Variants in GRIP1 observed in about 807,000 individuals in gnomAD.
GRIP1 encodes glutamate receptor-interacting protein 1.
A neutral mutation model predicts 129.9 loss-of-function variants in GRIP1; 45 were observed. The ratio of observed to expected loss-of-function variants is 0.35; its 90% CI spans 0.27 to 0.44. The LOEUF (loss-of-function observed/expected upper bound fraction) is 0.44. Ranked by LOEUF, GRIP1 falls within the 20% of genes least tolerant of loss-of-function variation. The probability of loss-of-function intolerance (pLI) is 1.00; values close to 1 mark genes in which losing one functional copy is unlikely to be tolerated. For missense variants in GRIP1, 1,196 were observed against 1,396.8 expected, an observed-to-expected ratio of 0.86 and a Z score of 2.29; for synonymous variants, 530 against 520.8, an observed-to-expected ratio of 1.02 and a Z score of -0.24.
chr12:66,589,220 CTCTCTCTGTCTGTCTG>C (rs2063760960), intron 2 of GRIP1, among the ~76,000 whole-genome samples: 1 of 146,692 alleles, frequency 6.8e-6, no homozygotes, highest in African/African-American at 2.5e-5. Context: ...CTCTCTCTCT[CTCTCTCTGTCTGTCTG>C]TCTCTCTCTC....
At chr12:67,028,516 C>T (rs2042972151) in intron 1 of GRIP1, among the ~76,000 whole-genome samples, 1 of 152,088 alleles carries the variant, frequency 6.6e-6, no homozygotes, top group Non-Finnish European at 1.5e-5. Context: ...AAACAGCATC[C>T]GTGCCCATAT....
intron 1 of GRIP1, among the ~76,000 whole-genome samples, chr12:66,834,165 G>A (rs975942879): frequency 5.1e-5 from 6 of 116,836 alleles, no homozygotes; most frequent in East Asian, 2.7e-4. Context: ...GCAACACAGC[G>A]AGACTTCATC....
chr12:66,927,374 A>C (rs536802128), intron 1 of GRIP1, among the ~76,000 whole-genome samples: 1 of 152,158 alleles, frequency 6.6e-6, no homozygotes, highest in South Asian at 2.1e-4. Context: ...AAATGTCCCC[A>C]CTCCTCTAGA....
intron 2 of GRIP1, among the ~76,000 whole-genome samples, chr12:66,555,001 G>C (rs919712998): frequency 2.6e-5 from 4 of 152,176 alleles, no homozygotes; most frequent in African/African-American, 9.7e-5. Flanking sequence ...CACCCTGAAG[G>C]ATGGCTGGTT....
chr12:66,786,154 T>C (rs2038337935), intron 1 of GRIP1, among the ~76,000 whole-genome samples: 1 of 152,138 alleles, frequency 6.6e-6, no homozygotes, highest in African/African-American at 2.4e-5. Context: ...TTATAGCTTT[T>C]TGAATGGAAT....
At chr12:66,948,080 C>T (rs1424712058) in intron 1 of GRIP1, among the ~76,000 whole-genome samples, 1 of 152,212 alleles carries the variant, frequency 6.6e-6, no homozygotes, top group African/African-American at 2.4e-5. Flanking sequence ...CCCACTGTAG[C>T]AGAGAAAGCT....
At chr12:67,029,393 C>T (rs983916325) in intron 1 of GRIP1, among the ~76,000 whole-genome samples, 2 of 152,068 alleles carry the variant, frequency 1.3e-5, no homozygotes, top group Non-Finnish European at 2.9e-5. Flanking sequence ...GGATTACAGG[C>T]GTGAGCCATT....
intron 1 of GRIP1, among the ~76,000 whole-genome samples, chr12:66,706,303 A>G (rs1426088032): frequency 6.6e-6 from 1 of 152,188 alleles, no homozygotes; most frequent in African/African-American, 2.4e-5. Flanking sequence ...AAAAATGCTC[A>G]ACATCACTGA....
At chr12:66,993,516 C>T (rs2042423905) in intron 1 of GRIP1, among the ~76,000 whole-genome samples, 1 of 151,772 alleles carries the variant, frequency 6.6e-6, no homozygotes, top group African/African-American at 2.4e-5. Flanking sequence ...ACAGACCAAG[C>T]ACAGTGGCTC....
At chr12:66,860,989 G>C (rs2137116628) in intron 1 of GRIP1, among the ~76,000 whole-genome samples, 1 of 152,114 alleles carries the variant, frequency 6.6e-6, no homozygotes, top group African/African-American at 2.4e-5. Context: ...ACACAAAAAA[G>C]GGGAGGGCTA....
intron 1 of GRIP1, among the ~76,000 whole-genome samples, chr12:66,961,604 G>A (rs2041922198): frequency 6.6e-6 from 1 of 151,948 alleles, no homozygotes. Flanking sequence ...AGTTCAGAAG[G>A]ATTTTTTTTT....
At chr12:66,785,331 C>CATATATATATATATATAT (rs1180271589) in intron 1 of GRIP1, among the ~76,000 whole-genome samples, 51 of 34,970 alleles carry the variant, frequency 1.5e-3, no homozygotes, top group African/African-American at 4.1e-3. Context: ...TACATACATA[C>CATATATATATATATATAT]ATACATACAT....
intron 16 of GRIP1, among the ~76,000 whole-genome samples, chr12:66,399,560 A>G (rs1282031555): frequency 1.3e-5 from 2 of 152,022 alleles, no homozygotes; most frequent in African/African-American, 4.8e-5. Context: ...ACGATTAGTG[A>G]AAGACAGGAA....
At chr12:66,610,277 C>T (rs2064738583) in intron 1 of GRIP1, among the ~76,000 whole-genome samples, 1 of 152,006 alleles carries the variant, frequency 6.6e-6, no homozygotes, top group East Asian at 1.9e-4. Flanking sequence ...TAGATACACA[C>T]ATACACTTAT....
At chr12:66,752,558 T>C (rs1358494344) in intron 1 of GRIP1, among the ~76,000 whole-genome samples, 1 of 152,182 alleles carries the variant, frequency 6.6e-6, no homozygotes, top group Non-Finnish European at 1.5e-5. Flanking sequence ...TACAGCCTTA[T>C]ACATATAGGC....
rs371159251 is a variant in GRIP1 at position 66,549,275 on chromosome 12, A to G, written c.137-7325T>C. On this transcript the variant is annotated intron_variant, in intron 2 of 24. Coordinates refer to ENST00000359742, the MANE Select transcript of GRIP1 (RefSeq NM_001366722.1). ...GCATCAGCTTGTGGCAAACAGAATT[A>G]TTGCTGGACGGTGCAGAAGCAAAAT... is the stretch of plus-strand genomic sequence containing the variant. Among the ~76,000 whole-genome samples, 6 of 152,262 alleles carry G rather than the reference A, an allele frequency of 3.9e-5. No individual in the cohort carries two copies. The East Asian group carries it at 7.7e-4, about 20-fold the overall frequency.
chr12:66,743,721 A>G (rs2036860864), intron 1 of GRIP1, among the ~76,000 whole-genome samples: 1 of 152,132 alleles, frequency 6.6e-6, no homozygotes, highest in South Asian at 2.1e-4. Flanking sequence ...ACATTATCCA[A>G]TAAAGCCAGA....
chr12:66,964,977 C>T (rs1296585966), intron 1 of GRIP1, among the ~76,000 whole-genome samples: 2 of 151,884 alleles, frequency 1.3e-5, no homozygotes, highest in Non-Finnish European at 2.9e-5. Flanking sequence ...GATAACAGAC[C>T]AAATTAGAGA....
At chr12:66,516,370 C>T (rs17102608) in intron 6 of GRIP1, among the ~76,000 whole-genome samples, 28,091 of 152,078 alleles carry the variant, frequency 0.18, 2,801 homozygotes, top group Middle Eastern at 0.22. Context: ...ACTTCAGTGA[C>T]ACCACAAAAG....
Sources: gnomAD v4.1 joint callset for allele counts (sites outside exome capture counted in the v4.1 genomes callset) on GRCh38, gnomAD v4.1.1 for gene constraint, MANE v1.5 for transcripts, NCBI Gene and HGNC (gene_info 2026-07-23, HGNC 2026-07-21) for gene names.